The following RARB variants were observed in gnomAD, a reference collection of about 807,000 sequenced individuals.
The protein encoded by RARB is retinoic acid receptor beta, also known as HBV-activated protein.
RARB carries 17 observed loss-of-function variants against 51.9 expected under a neutral mutation model. The ratio of observed to expected loss-of-function variants is 0.33; its 90% confidence interval spans 0.22 to 0.49. The LOEUF (loss-of-function observed/expected upper bound fraction) is 0.49, where lower values mean the gene tolerates loss of function less well. RARB is among the 20% of genes least tolerant of loss of function. The probability of loss-of-function intolerance (pLI) is 0.99; values close to 1 mark genes in which losing one functional copy is unlikely to be tolerated. For missense variants in RARB, 369 were observed against 550.8 expected (o/e 0.67, Z 3.30); for synonymous variants, 215 against 195.4 (o/e 1.10, Z -0.84).
At chr3:25,340,831 A>C (rs1294538531) in intron 5 of RARB, among the ~76,000 whole-genome samples, 1 of 152,232 alleles carries the variant, frequency 6.6e-6, no homozygotes, top group African/African-American at 2.4e-5. Context: ...ATGAAAATCA[A>C]GTCTCAATTT....
intron 2 of RARB, among the ~76,000 whole-genome samples, chr3:24,923,591 A>G (rs1277837566): frequency 1.3e-5 from 2 of 152,144 alleles, no homozygotes; most frequent in Non-Finnish European, 2.9e-5. Context: ...GGGCAAAGGT[A>G]ACAAGAATAA....
chr3:24,935,878 AT>A (rs1695538451), intron 2 of RARB, among the ~76,000 whole-genome samples: 2 of 152,106 alleles, frequency 1.3e-5, no homozygotes. Flanking sequence ...CCAATTGTTT[AT>A]TGTTTCTACT....
intron 1 of RARB, among the ~76,000 whole-genome samples, chr3:25,459,040 C>T (rs1034761683): frequency 1.3e-5 from 2 of 152,102 alleles, no homozygotes; most frequent in African/African-American, 4.8e-5. Context: ...GTTTCTTTCC[C>T]TTATGAAACT....
intron 2 of RARB, among the ~76,000 whole-genome samples, chr3:25,039,156 G>A (rs1698062281): frequency 6.6e-6 from 1 of 152,164 alleles, no homozygotes; most frequent in Non-Finnish European, 1.5e-5. Flanking sequence ...GTGCTAATGT[G>A]ATCACATATC....
chr3:24,872,723 C>A (rs116667029), intron 2 of RARB, among the ~76,000 whole-genome samples: 3,493 of 152,256 alleles, frequency 0.023, 77 homozygotes, highest in Middle Eastern at 0.058. Context: ...TCCCATGACC[C>A]AAACTTCTAC....
chr3:24,879,557 C>T (rs1183357895), intron 2 of RARB, among the ~76,000 whole-genome samples: 1 of 140,660 alleles, frequency 7.1e-6, no homozygotes, highest in African/African-American at 2.7e-5. Flanking sequence ...GGTGTGGTGG[C>T]TCTCCTCTGT....
rs558699599 is a variant in RARB at position 25,398,864 on chromosome 3, C to T, written c.179-62329C>T. Among the ~76,000 whole-genome samples the T allele has an allele frequency of 8.2e-4, 125 of 152,132 alleles. 1 individual carries two copies. Among genetic ancestry groups the T allele is most frequent in the South Asian group, 6.4e-3 (31 of 4,814 alleles). On this transcript the variant is annotated intron_variant, in intron 5 of 11. Coordinates refer to the RARB transcript ENST00000383772. ...CATTAATATATATTTTATGTCTGTA[C>T]GCAATATGTTAAAATGTTATAAATT...
At chr3:24,993,078 G>A (rs1394282646) in intron 2 of RARB, among the ~76,000 whole-genome samples, 2 of 151,978 alleles carry the variant, frequency 1.3e-5, no homozygotes, top group Admixed American at 1.3e-4. Flanking sequence ...ATATACGTTA[G>A]CCAACTCCAT....
At chr3:25,373,550 C>A (rs1706365396) in intron 5 of RARB, among the ~76,000 whole-genome samples, 2 of 152,150 alleles carry the variant, frequency 1.3e-5, no homozygotes, top group South Asian at 4.1e-4. Flanking sequence ...CTAAATGTTT[C>A]TTCTCCTCTA....
intron 2 of RARB, among the ~76,000 whole-genome samples, chr3:25,475,296 A>G (rs1267034167): frequency 6.6e-6 from 1 of 152,126 alleles, no homozygotes; most frequent in Non-Finnish European, 1.5e-5. Flanking sequence ...TACGTACACT[A>G]TCAGAAATAT....
intron 4 of RARB, among the ~76,000 whole-genome samples, chr3:25,149,597 G>A (rs1700249573): frequency 1.3e-5 from 2 of 152,182 alleles, no homozygotes; most frequent in African/African-American, 4.8e-5. Flanking sequence ...CATTCAGAGG[G>A]AAGACAGAAT....
At chr3:24,898,399 A>C (rs1401835476) in intron 2 of RARB, among the ~76,000 whole-genome samples, 3 of 151,348 alleles carry the variant, frequency 2.0e-5, no homozygotes. Context: ...AAATTATAGG[A>C]ATAATTTCAG....
intron 2 of RARB, among the ~76,000 whole-genome samples, chr3:24,924,745 T>G (rs1695282363): frequency 6.6e-6 from 1 of 152,124 alleles, no homozygotes; most frequent in African/African-American, 2.4e-5. Flanking sequence ...AGCATTGTAC[T>G]TTCCAGGGCA....
At chr3:24,951,013 C>CCTGA (rs1669652242) in intron 2 of RARB, among the ~76,000 whole-genome samples, 1 of 151,994 alleles carries the variant, frequency 6.6e-6, no homozygotes, top group African/African-American at 2.4e-5. Context: ...GAATTGGAGA[C>CCTGA]CTGAAGGACA....
At chr3:24,898,630 C>T (rs1214097426) in intron 2 of RARB, among the ~76,000 whole-genome samples, 1 of 152,074 alleles carries the variant, frequency 6.6e-6, no homozygotes, top group Non-Finnish European at 1.5e-5. Flanking sequence ...ACTTTTTCTT[C>T]TACTTTTCTA....
intron 2 of RARB, among the ~76,000 whole-genome samples, chr3:25,019,082 G>A (rs979445564): frequency 4.6e-5 from 7 of 152,174 alleles, no homozygotes. Context: ...GGCTTCAACT[G>A]AGAGATGACT....
intron 2 of RARB, among the ~76,000 whole-genome samples, chr3:24,895,858 C>G (rs1404996743): frequency 6.6e-6 from 1 of 152,154 alleles, no homozygotes; most frequent in East Asian, 1.9e-4. Context: ...CTTCCACAAC[C>G]AGGCATATAC....
At chr3:25,368,302 T>C (rs1024516966) in intron 5 of RARB, among the ~76,000 whole-genome samples, 1 of 152,210 alleles carries the variant, frequency 6.6e-6, no homozygotes. Context: ...TGATATTTTT[T>C]CTCTTGAATT....
At chr3:25,113,962 T>G (rs1380913308) in intron 3 of RARB, among the ~76,000 whole-genome samples, 5 of 152,254 alleles carry the variant, frequency 3.3e-5, no homozygotes, top group African/African-American at 4.8e-5. Context: ...CATTCCTAGA[T>G]TTTACGTTTG....
Sources: allele counts gnomAD v4.1 joint callset (sites outside exome capture counted in the v4.1 genomes callset), GRCh38; gene constraint gnomAD v4.1.1; transcripts MANE v1.5; gene names NCBI Gene and HGNC (gene_info 2026-07-23, HGNC 2026-07-21).